Variants in CDK6 observed in about 807,000 individuals in gnomAD.
CDK6 encodes cyclin-dependent kinase 6.
CDK6 carries 6 observed loss-of-function variants against 37.1 expected under a neutral mutation model. The ratio of observed to expected loss-of-function variants is 0.16; its 90% CI spans 0.09 to 0.32. The LOEUF is 0.32. Ranked by LOEUF, CDK6 falls within the 10% of genes least tolerant of loss-of-function variation. The pLI is 1.00. For missense variants in CDK6, 224 were observed against 418.9 expected (o/e 0.53, Z 4.06); for synonymous variants, 160 against 161.3 (o/e 0.99, Z 0.06).
intron 4 of CDK6, among the ~76,000 whole-genome samples, chr7:92,693,334 G>A (rs2116646023): frequency 6.6e-6 from 1 of 152,290 alleles, no homozygotes; most frequent in Non-Finnish European, 1.5e-5. Context: ...ACCCTGATCA[G>A]CACTCCCTCC....
At position 92,605,657 on chromosome 7, in the gene CDK6, T is replaced by G. The variant is rs897210540; in HGVS notation, c.*9483A>C. On this transcript the variant is annotated 3_prime_UTR_variant, in exon 8 of 8. Coordinates refer to ENST00000424848, the MANE Select transcript of CDK6 (RefSeq NM_001145306.2). ...AGACAGTAGCCTTAGAGATAAGCTT[T>G]CTTTCTTTCTTCTTCTTTTGCTTCA... The G allele has an allele frequency of 3.4e-5, 8 of 233,038 alleles. No individual in the cohort carries two copies. Among genetic ancestry groups the G allele is most frequent in the East Asian group, 6.0e-5 (1 of 16,598 alleles). The allele number at this position is 233,038 out of a possible 1,614,324, so 14.4% of individuals were successfully genotyped here.
intron 4 of CDK6, among the ~76,000 whole-genome samples, chr7:92,707,752 T>C (rs1797999584): frequency 6.6e-6 from 1 of 152,220 alleles, no homozygotes; most frequent in African/African-American, 2.4e-5. Flanking sequence ...AATGTAGTAT[T>C]AGAAAGAATG....
At chr7:92,773,507 G>A (rs1330564444) in intron 3 of CDK6, among the ~76,000 whole-genome samples, 1 of 152,140 alleles carries the variant, frequency 6.6e-6, no homozygotes, top group South Asian at 2.1e-4. Context: ...AACTCATAAA[G>A]GAGAGAACTA....
chr7:92,805,082 T>C (rs1031075578), intron 2 of CDK6, among the ~76,000 whole-genome samples: 6 of 152,238 alleles, frequency 3.9e-5, no homozygotes, highest in African/African-American at 1.4e-4. Flanking sequence ...GCCTTCTCTC[T>C]TGATTCAAAG....
At chr7:92,723,977 G>C (rs1700009504) in intron 4 of CDK6, among the ~76,000 whole-genome samples, 1 of 150,590 alleles carries the variant, frequency 6.6e-6, no homozygotes, top group Non-Finnish European at 1.5e-5. Flanking sequence ...GGTTATTAGT[G>C]CCCATTTGGG....
intron 2 of CDK6, among the ~76,000 whole-genome samples, chr7:92,820,019 G>A (rs893860531): frequency 2.6e-5 from 4 of 152,052 alleles, no homozygotes; most frequent in African/African-American, 9.7e-5. Context: ...TCTGCACTTA[G>A]AAAGATTCCA....
At chr7:92,818,698 G>A (rs1801090163) in intron 2 of CDK6, among the ~76,000 whole-genome samples, 1 of 151,956 alleles carries the variant, frequency 6.6e-6, no homozygotes, top group African/African-American at 2.4e-5. Flanking sequence ...CCATGTAGCT[G>A]ACAAAAGACT....
intron 5 of CDK6, among the ~76,000 whole-genome samples, chr7:92,654,874 A>T (rs1339920411): frequency 1.3e-5 from 2 of 152,132 alleles, no homozygotes; most frequent in Non-Finnish European, 2.9e-5. Flanking sequence ...TGAGACAGAA[A>T]AAAGCCTGTC....
At chr7:92,748,140 T>G (rs1345495803) in intron 3 of CDK6, among the ~76,000 whole-genome samples, 1 of 152,210 alleles carries the variant, frequency 6.6e-6, no homozygotes, top group Non-Finnish European at 1.5e-5. Flanking sequence ...TGTTCTATAC[T>G]CAGAACTTTT....
intron 2 of CDK6, among the ~76,000 whole-genome samples, chr7:92,801,289 A>G (rs1477111375): frequency 6.6e-6 from 1 of 152,196 alleles, no homozygotes; most frequent in Non-Finnish European, 1.5e-5. Context: ...TCCTTTCTTT[A>G]AACACTGGAA....
At chr7:92,659,343 T>C (rs1490403670) in intron 5 of CDK6, among the ~76,000 whole-genome samples, 2 of 152,154 alleles carry the variant, frequency 1.3e-5, no homozygotes, top group Non-Finnish European at 2.9e-5. Context: ...AATGTAAAAA[T>C]ATCTCATTCA....
chr7:92,710,965 GC>G, intron 4 of CDK6: 1 of 486,736 alleles, frequency 2.1e-6, no homozygotes, highest in Non-Finnish European at 2.7e-6. Flanking sequence ...AAAGGCAATG[GC>G]CAGAGGCACT....
At position 92,609,369 on chromosome 7, in the gene CDK6, A is replaced by G. The variant is rs1370110346; in HGVS notation, c.*5771T>C. ...TTAAAAAAAGTATATAAAGTTGCCA[A>G]AAAACTTCAAAAGTTAAGTATGTAG... On this transcript the variant is annotated 3_prime_UTR_variant, in exon 8 of 8. Coordinates refer to ENST00000424848, the MANE Select transcript of CDK6 (RefSeq NM_001145306.2). 2 of 231,714 alleles carry G rather than the reference A, an allele frequency of 8.6e-6. No homozygotes were observed. The highest frequency in any genetic ancestry group is 1.2e-4 in the East Asian group (2 of 16,278). 14.4% of individuals were successfully genotyped at this position (231,714 alleles called of 1,614,324 possible).
intron 2 of CDK6, among the ~76,000 whole-genome samples, chr7:92,827,437 G>C (rs1801352924): frequency 6.6e-6 from 1 of 152,088 alleles, no homozygotes; most frequent in African/African-American, 2.4e-5. Context: ...CACTTGCATA[G>C]ATTCCTGCCA....
intron 2 of CDK6, among the ~76,000 whole-genome samples, chr7:92,809,099 G>T (rs1402327903): frequency 6.6e-6 from 1 of 152,082 alleles, no homozygotes. Context: ...ACTGGTTTAA[G>T]ATTTCCTTTA....
At chr7:92,628,960 T>G (rs1186535696) in intron 5 of CDK6, among the ~76,000 whole-genome samples, 2 of 151,800 alleles carry the variant, frequency 1.3e-5, no homozygotes, top group Non-Finnish European at 2.9e-5. Flanking sequence ...AGAGAAGTGT[T>G]GAGAAAAAGT....
chr7:92,680,800 T>C (rs1177405196), intron 4 of CDK6, among the ~76,000 whole-genome samples: 1 of 152,204 alleles, frequency 6.6e-6, no homozygotes, highest in Non-Finnish European at 1.5e-5. Context: ...TCTGAGTCTC[T>C]GCAGGTCCAG....
intron 5 of CDK6, among the ~76,000 whole-genome samples, chr7:92,633,929 C>T (rs557417455): frequency 1.9e-4 from 29 of 152,180 alleles, no homozygotes; most frequent in African/African-American, 6.5e-4. Context: ...ATTTTAAGAG[C>T]TCTTTTATTC....
chr7:92,686,501 T>A (rs1474599128), intron 4 of CDK6, among the ~76,000 whole-genome samples: 1 of 152,128 alleles, frequency 6.6e-6, no homozygotes, highest in Non-Finnish European at 1.5e-5. Context: ...ATGAAATATA[T>A]ATATACCACA....
Sources: allele counts gnomAD v4.1 joint callset (sites outside exome capture counted in the v4.1 genomes callset), GRCh38; gene constraint gnomAD v4.1.1; transcripts MANE v1.5; gene names NCBI Gene and HGNC (gene_info 2026-07-23, HGNC 2026-07-21).